The following DISC1 variants were observed in gnomAD, a reference collection of about 807,000 sequenced individuals.
The protein encoded by DISC1 is disrupted in schizophrenia 1 protein.
Under a neutral mutation model 84.5 loss-of-function variants are expected in DISC1, and 57 were observed. That is an observed-to-expected ratio of 0.67 (90% CI 0.55 to 0.84). The LOEUF is 0.84. DISC1 is among the 40% of genes least tolerant of loss of function. The pLI is 0.00. For missense variants in DISC1, 1,000 were observed against 1,057.8 expected, an observed-to-expected ratio of 0.95 and a Z score of 0.76; for synonymous variants, 411 against 415.2, an observed-to-expected ratio of 0.99 and a Z score of 0.12.
intron 8 of DISC1, among the ~76,000 whole-genome samples, chr1:231,807,488 G>T (rs536682942): frequency 2.0e-5 from 3 of 152,328 alleles, no homozygotes; most frequent in African/African-American, 7.2e-5. Context: ...GCCAGTAGAA[G>T]TATTTGTTTT....
At position 231,713,751 on chromosome 1, in the gene DISC1, T is replaced by TATATAC. The variant is rs1366317456; in HGVS notation, c.1117+11732_1117+11733insCATATA. ...GAGATATATACATATATATAGGAGA[T>TATATAC]ATATATATAGGAGATATATATATAG... is the stretch of plus-strand genomic sequence containing the variant. On this transcript the variant is annotated intron_variant, in intron 3 of 12. Coordinates refer to ENST00000439617, the MANE Select transcript of DISC1 (RefSeq NM_018662.3). 8.4e-3 allele frequency among the ~76,000 whole-genome samples: 605 copies of TATATAC among 72,384 alleles called. 1 individual carries two copies. Among genetic ancestry groups the TATATAC allele is most frequent in the African/African-American group, 0.022 (566 of 25,186 alleles). The allele number at this position is 72,384 out of a possible 152,430, so 47.5% of individuals were successfully genotyped here. A position where few individuals can be genotyped will look rare whatever the true frequency, so the allele number is the denominator to read the frequency against.
At chr1:231,644,722 C>T (rs542337732) in intron 1 of DISC1, among the ~76,000 whole-genome samples, 1 of 152,054 alleles carries the variant, frequency 6.6e-6, no homozygotes, top group Non-Finnish European at 1.5e-5. Context: ...TAGCTATGAC[C>T]CCCTTTTCCT....
intron 8 of DISC1, among the ~76,000 whole-genome samples, chr1:231,809,966 A>C (rs1187218777): frequency 6.6e-6 from 1 of 152,220 alleles, no homozygotes; most frequent in Non-Finnish European, 1.5e-5. Flanking sequence ...TTTTATTTAC[A>C]ATAGTATTTA....
intron 2 of DISC1, among the ~76,000 whole-genome samples, chr1:231,696,288 C>T (rs949485707): frequency 2.6e-5 from 4 of 152,190 alleles, no homozygotes; most frequent in Non-Finnish European, 5.9e-5. Flanking sequence ...TTTCTCTTCT[C>T]CAGTTAATTA....
rs12087195 is a variant in DISC1, at chr1:231,641,137, A to G, written c.67+14203A>G. 5.1e-3 allele frequency among the ~76,000 whole-genome samples: 774 copies of G among 152,318 alleles called. 4 individuals are homozygous for G. The highest frequency in any genetic ancestry group is 0.017 in the African/African-American group (705 of 41,564). ...CCAGCAATGACAATCAAGGTGAGCT[A>G]TTCTTGTGCTGGGTAGGATGCTATC... On this transcript the variant is annotated intron_variant, in intron 1 of 12. Coordinates refer to ENST00000439617, the MANE Select transcript of DISC1 (RefSeq NM_018662.3).
At chr1:231,666,767 T>C (rs1006248808) in intron 1 of DISC1, among the ~76,000 whole-genome samples, 1 of 152,108 alleles carries the variant, frequency 6.6e-6, no homozygotes. Flanking sequence ...AAGGCGTTCA[T>C]CTTCACCCCA....
intron 9 of DISC1, among the ~76,000 whole-genome samples, chr1:231,886,357 G>C (rs1212745473): frequency 6.6e-6 from 1 of 152,192 alleles, no homozygotes; most frequent in East Asian, 1.9e-4. Context: ...CTCTTGGGTA[G>C]TTTCTGTGGA....
intron 1 of DISC1, among the ~76,000 whole-genome samples, chr1:231,640,414 C>T (rs2059539177): frequency 6.6e-6 from 1 of 152,174 alleles, no homozygotes; most frequent in Admixed American, 6.5e-5. Flanking sequence ...CAGCACATTC[C>T]CGGAGTGTAA....
intron 9 of DISC1, among the ~76,000 whole-genome samples, chr1:231,828,852 A>T (rs1338177014): frequency 1.3e-5 from 2 of 152,170 alleles, no homozygotes; most frequent in African/African-American, 2.4e-5. Flanking sequence ...AGACAAATTT[A>T]TCATTCCCAA....
chr1:231,775,390 G>C (rs1195526171), intron 6 of DISC1, among the ~76,000 whole-genome samples: 1 of 152,232 alleles, frequency 6.6e-6, no homozygotes, highest in Non-Finnish European at 1.5e-5. Context: ...GCCAATGTCA[G>C]AGATGGGCTG....
intron 3 of DISC1, among the ~76,000 whole-genome samples, chr1:231,709,443 G>A (rs991451242): frequency 6.6e-6 from 1 of 152,038 alleles, no homozygotes; most frequent in Non-Finnish European, 1.5e-5. Flanking sequence ...TGGAACCCCT[G>A]CAGCTCTGGA....
chr1:231,926,319 G>T (rs576717172), intron 9 of DISC1, among the ~76,000 whole-genome samples: 5 of 152,176 alleles, frequency 3.3e-5, no homozygotes, highest in Admixed American at 2.6e-4. Flanking sequence ...TCAAAAGTGG[G>T]TTTACGTAAA....
At position 231,679,810 on chromosome 1, in the gene DISC1, A is replaced by G. The variant is rs182683446; in HGVS notation, c.68-14016A>G. Among the ~76,000 whole-genome samples the G allele has an allele frequency of 5.3e-5, 8 of 152,352 alleles. No individual in the cohort carries two copies. In the East Asian group the frequency reaches 1.5e-3, roughly 29 times the overall value. On this transcript the variant is annotated intron_variant, in intron 1 of 12. Transcript: ENST00000439617. ...ATTAATTGGTTTAAACAGCCTCTTT[A>G]TTTGTAGGCAGCACAAAGGTTAACT...
In DISC1 at chr1:231,654,082, T is replaced by C. The variant is rs147622566; in HGVS notation, c.67+27148T>C. On this transcript the variant is annotated intron_variant, in intron 1 of 12. Coordinates refer to ENST00000439617, the MANE Select transcript of DISC1 (RefSeq NM_018662.3). ...ATCTCTTCTCAGTTGGTCTCCATGG[T>C]CCGAGCTCTGTCCTGGCAAGTTCCT... Among the ~76,000 whole-genome samples the C allele has an allele frequency of 2.6e-5, 4 of 152,314 alleles. No homozygotes were observed. The East Asian group carries it at 5.8e-4, about 22-fold the overall frequency.
At chr1:231,747,002 C>T (rs965439961) in intron 3 of DISC1, among the ~76,000 whole-genome samples, 11 of 152,174 alleles carry the variant, frequency 7.2e-5, no homozygotes, top group South Asian at 2.1e-4. Flanking sequence ...GATCACAGAT[C>T]ACTGCAGCCT....
chr1:231,744,236 C>G (rs143232484), intron 3 of DISC1, among the ~76,000 whole-genome samples: 1,628 of 152,210 alleles, frequency 0.011, 16 homozygotes, highest in Admixed American at 0.025. Context: ...GTGCTCATGG[C>G]CCGAGGTGAT....
intron 9 of DISC1, among the ~76,000 whole-genome samples, chr1:231,921,470 G>A (rs901493448): frequency 2.6e-5 from 4 of 151,970 alleles, no homozygotes; most frequent in South Asian, 2.1e-4. Context: ...GTAAATTCAC[G>A]CTTATTACAG....
chr1:232,023,669 T>C (rs1395133810), intron 11 of DISC1, among the ~76,000 whole-genome samples: 1 of 152,206 alleles, frequency 6.6e-6, no homozygotes, highest in African/African-American at 2.4e-5. Flanking sequence ...ATTTGTTTAA[T>C]TTAGCTCTGA....
chr1:231,754,510 A>G (rs1203491967), intron 4 of DISC1, among the ~76,000 whole-genome samples: 3 of 152,186 alleles, frequency 2.0e-5, no homozygotes, highest in South Asian at 2.1e-4. Context: ...ACACCAGGGG[A>G]TGGTGTTAAA....
Sources: gnomAD v4.1 joint callset for allele counts (sites outside exome capture counted in the v4.1 genomes callset) on GRCh38, gnomAD v4.1.1 for gene constraint, MANE v1.5 for transcripts, NCBI Gene and HGNC (gene_info 2026-07-23, HGNC 2026-07-21) for gene names.